The following PHC1 variants were observed in gnomAD, a reference collection of about 807,000 sequenced individuals.
PHC1 encodes the protein polyhomeotic homolog 1.
In PHC1, 12 loss-of-function variants were observed where a neutral mutation model predicts 104.3. The ratio of observed to expected loss-of-function variants is 0.12; its 90% CI spans 0.07 to 0.19. The LOEUF is 0.19. Among genes scored for constraint, PHC1 ranks in the 10% least tolerant of loss-of-function variants. The pLI is 1.00. For synonymous variants in PHC1, 302 were observed against 455.8 expected (o/e 0.66, Z 4.30); for missense variants, 671 against 1,200.0 (o/e 0.56, Z 6.51).
intron 11 of PHC1, among the ~76,000 whole-genome samples, chr12:8,935,532 G>A (rs768889936): frequency 2.6e-5 from 4 of 152,030 alleles, no homozygotes; most frequent in Non-Finnish European, 4.4e-5. Context: ...AGGCTGAGGC[G>A]GGAGAACCAC....
In PHC1 at chr12:8,930,837, G is replaced by A; in HGVS notation, c.1015G>A (p.Ala339Thr). The change falls in exon 7 of 15, where the codon GCA (alanine) becomes ACA (threonine). Residue 339 changes from alanine (A) to threonine (T), a missense_variant. Around this residue, in one of 9 missense-constraint regions of PHC1, gnomAD observed 78 missense variants for 140.8 expected, o/e 0.55. Transcript: ENST00000544916. Reference protein sequence around the residue: ...TEAESAAAKKAEADGSGQQNV... With the variant: ...TEAESAAAKKTEADGSGQQNV... The stretch of plus-strand genomic sequence containing the variant: ...GGCAGAAAGTGCAGCAGCCAAGAAG[G>A]CAGAAGCAGATGGGAGTGGCCAGCA... The A allele has an allele frequency of 6.5e-7, 1 of 1,532,808 alleles. No individual in the cohort carries two copies. Among genetic ancestry groups the A allele is most frequent in the Non-Finnish European group, 8.8e-7 (1 of 1,132,174 alleles). 95.0% of individuals were successfully genotyped at this position (1,532,808 alleles called of 1,614,324 possible).
At chr12:8,922,553 T>C (rs1321925418) in intron 5 of PHC1, 80 bp from the exon 6 acceptor site, 1 of 1,261,846 alleles carries the variant, frequency 7.9e-7, no homozygotes, top group Admixed American at 2.1e-5. Context: ...TTATTTTGTC[T>C]TGTGGTCCTT....
At chr12:8,915,183 C>T (rs1945165583) in intron 1 of PHC1, 1 of 152,722 alleles carries the variant, frequency 6.5e-6, no homozygotes, top group Non-Finnish European at 1.5e-5. Context: ...TCCTTGACTT[C>T]TGCCTCTGCT....
At position 8,921,605 on chromosome 12, in the gene PHC1, A is replaced by G. The variant is rs1214887146; in HGVS notation, c.311A>G (p.Asn104Ser). 1 of 1,613,712 alleles carries G rather than the reference A, an allele frequency of 6.2e-7. No homozygotes were observed. Among genetic ancestry groups the G allele is most frequent in the East Asian group, 2.2e-5 (1 of 44,870 alleles). The change falls in exon 5 of 15, where the codon AAT (asparagine) becomes AGT (serine). Residue 104 changes from asparagine (N) to serine (S), a missense_variant. Physicochemically the swap from Asn to Ser is conservative, Grantham distance 46. This residue lies in a region of PHC1 where 237 missense variants were observed against 331.1 expected (regional missense o/e 0.72). Coordinates refer to ENST00000544916, the MANE Select transcript of PHC1 (RefSeq NM_004426.3). The stretch of plus-strand genomic sequence containing the variant: ...GTTCCTTTCTGTACCACACAGATCA[A>G]TCTGGCCACCACATCGGCCGCCCAG... ...QQTTTTQASI[N>S]LATTSAAQLI...
chr12:8,918,252 T>G (rs946125380), intron 2 of PHC1, among the ~76,000 whole-genome samples: 5 of 152,232 alleles, frequency 3.3e-5, no homozygotes, highest in African/African-American at 1.2e-4. Context: ...TAGTTCTAAT[T>G]ATTAAAGAAT....
At chr12:8,927,668 G>C (rs1945554916) in intron 6 of PHC1, among the ~76,000 whole-genome samples, 1 of 152,092 alleles carries the variant, frequency 6.6e-6, no homozygotes, top group Non-Finnish European at 1.5e-5. Context: ...GAGTGGGAAA[G>C]TTTGAAATAG....
chr12:8,919,890 C>A lies in PHC1; in HGVS notation c.225+24C>A, dbSNP rs377172882. ...AGGTGAGAGGTCAGCAGCCAGCTGG[C>A]CCGAGAGGGAGGGGACAGGCACTAC... On this transcript the variant is annotated intron_variant, in intron 3 of 14. Coordinates refer to ENST00000544916, the MANE Select transcript of PHC1 (RefSeq NM_004426.3). This position sits in a 1 kb window ranked among gnomAD's most constrained non-coding sequence, Gnocchi z 4.9. 3.8e-6 allele frequency: 6 copies of A among 1,586,824 alleles called. No individual in the cohort carries two copies. The highest frequency in any genetic ancestry group is 1.3e-5 in the African/African-American group (1 of 74,548).
At chr12:8,917,178 C>G (rs1273996020) in intron 1 of PHC1, among the ~76,000 whole-genome samples, 1 of 152,152 alleles carries the variant, frequency 6.6e-6, no homozygotes, top group Non-Finnish European at 1.5e-5. Context: ...AGGTGAAGTG[C>G]CTAGCCCAGT....
intron 1 of PHC1, chr12:8,915,321 C>G (rs761223420): frequency 5.3e-5 from 8 of 152,286 alleles, no homozygotes; most frequent in Non-Finnish European, 1.0e-4. Flanking sequence ...CTATATAGAA[C>G]GAGGACCCTT....
At chr12:8,928,343 A>G (rs981355335) in intron 6 of PHC1, among the ~76,000 whole-genome samples, 3 of 152,146 alleles carry the variant, frequency 2.0e-5, no homozygotes, top group Admixed American at 6.5e-5. Context: ...TAATTTTTTA[A>G]TCGTACTTCT....
At position 8,919,962 on chromosome 12, in the gene PHC1, C is replaced by T; in HGVS notation, c.225+96C>T. On this transcript the variant is annotated intron_variant, in intron 3 of 14. Coordinates refer to ENST00000544916, the MANE Select transcript of PHC1 (RefSeq NM_004426.3). The surrounding 1 kb of genome is among the most constrained non-coding windows in gnomAD (Gnocchi z 4.9). ...TGGGCATATAGCATCCTATACTAAGCCAGGCTGCAGACAGCCTCCTCCGCC... is the reference window on the plus strand; with the variant it reads ...TGGGCATATAGCATCCTATACTAAGTCAGGCTGCAGACAGCCTCCTCCGCC... 3 of 1,523,208 alleles carry T rather than the reference C, an allele frequency of 2.0e-6. No individual in the cohort carries two copies. Among genetic ancestry groups the T allele is most frequent in the Admixed American group, 4.0e-5 (2 of 50,388 alleles). 94.4% of individuals were successfully genotyped at this position (1,523,208 alleles called of 1,614,324 possible).
chr12:8,921,089 G>T, intron 4 of PHC1, 24 bp downstream of exon 4: 1 of 1,554,178 alleles, frequency 6.4e-7, no homozygotes, highest in South Asian at 1.2e-5. Flanking sequence ...CTCCCACTGA[G>T]AGGCTTCTCT....
At chr12:8,937,625 C>CA (rs1355827063) in intron 13 of PHC1, among the ~76,000 whole-genome samples, 1 of 152,078 alleles carries the variant, frequency 6.6e-6, no homozygotes, top group Non-Finnish European at 1.5e-5. Context: ...ATTGTTAGGT[C>CA]ATGGGGAGAA....
intron 1 of PHC1, among the ~76,000 whole-genome samples, chr12:8,916,619 T>A (rs934632111): frequency 6.6e-6 from 1 of 152,118 alleles, no homozygotes; most frequent in Non-Finnish European, 1.5e-5. Flanking sequence ...TGTTTTCATA[T>A]GTGTCTTTTT....
rs1219868259 is a variant in PHC1, at chr12:8,939,430, G to A, written c.2986G>A (p.Ala996Thr). ...IKLGPALKICAKINVLKET is the reference protein window; with the variant it reads ...IKLGPALKICTKINVLKET ...GCTGGGCCCTGCCCTCAAGATCTGC[G>A]CCAAGATAAATGTCCTCAAGGAGAC... Residue 996 changes from alanine to threonine, a missense_variant, in exon 15 of 15, where the codon GCC becomes ACC. This residue lies in a region of PHC1 where 10 missense variants were observed against 48.3 expected (regional missense o/e 0.21). Coordinates refer to ENST00000544916, the MANE Select transcript of PHC1 (RefSeq NM_004426.3). The A allele has an allele frequency of 1.0e-5, 16 of 1,599,332 alleles. No homozygotes were observed. The highest frequency in any genetic ancestry group is 1.7e-4 in the Middle Eastern group (1 of 6,044).
At chr12:8,922,980 A>G (rs747477025) in intron 6 of PHC1, among the ~76,000 whole-genome samples, 192 bp downstream of exon 6, 9 of 152,352 alleles carry the variant, frequency 5.9e-5, no homozygotes, top group African/African-American at 2.2e-4. Context: ...TTAGAAAGAC[A>G]AGGAGATTTG....
At chr12:8,916,992 A>G (rs1423476957) in intron 1 of PHC1, among the ~76,000 whole-genome samples, 6 of 152,192 alleles carry the variant, frequency 3.9e-5, no homozygotes, top group African/African-American at 1.2e-4. Context: ...ACTACTCACT[A>G]TCATAGTGAA....
At position 8,930,618 on chromosome 12, in the gene PHC1, C is replaced by G. The variant is rs1459495103; in HGVS notation, c.796C>G (p.Gln266Glu). ...GATNQSLNLS[Q>E]AGGGSGNSIP... ...CACAAACCAGTCCCTCAACCTTAGT[C>G]AAGCTGGTGGAGGCAGTGGGAATAG... Residue 266 changes from glutamine to glutamate, a missense_variant, in exon 7 of 15, where the codon CAA becomes GAA. Transcript: ENST00000544916. 1 of 1,510,226 alleles carries G rather than the reference C, an allele frequency of 6.6e-7. No homozygotes were observed. Among genetic ancestry groups the G allele is most frequent in the East Asian group, 2.4e-5 (1 of 41,618 alleles). The allele number at this position is 1,510,226 out of a possible 1,614,324, so 93.6% of individuals were successfully genotyped here. A position where few individuals can be genotyped will look rare whatever the true frequency, so the allele number is the denominator to read the frequency against.
chr12:8,930,157 A>G (rs1009914798), intron 6 of PHC1, among the ~76,000 whole-genome samples: 5 of 152,208 alleles, frequency 3.3e-5, no homozygotes, highest in Admixed American at 6.5e-5. Context: ...GAATGATTGA[A>G]TGGCGAGGAA....
Sources: allele counts gnomAD v4.1 joint callset (sites outside exome capture counted in the v4.1 genomes callset), GRCh38; gene constraint gnomAD v4.1.1; regional missense constraint gnomAD v4.1.1; non-coding constraint Gnocchi (gnomAD v3.1); transcripts MANE v1.5; gene names NCBI Gene and HGNC (gene_info 2026-07-23, HGNC 2026-07-21).